Variants in TENM2 observed in about 807,000 individuals in gnomAD.
The protein encoded by TENM2 is teneurin transmembrane protein 2, also known as teneurin-2.
Under a neutral mutation model 245.2 loss-of-function variants are expected in TENM2, and 52 were observed. The observed-to-expected ratio is 0.21, with a 90% confidence interval of 0.17 to 0.27. TENM2 has a LOEUF of 0.27. Ranked by LOEUF, TENM2 falls within the 10% of genes least tolerant of loss-of-function variation. The pLI, the probability that TENM2 is intolerant of heterozygous loss-of-function variation, is 1.00. For synonymous variants in TENM2, 1,363 were observed against 1,438.9 expected (o/e 0.95, Z 1.19); for missense variants, 3,046 against 3,666.8 (o/e 0.83, Z 4.37).
At chr5:168,170,470 G>A (rs1376244189) in intron 13 of TENM2, among the ~76,000 whole-genome samples, 1 of 152,026 alleles carries the variant, frequency 6.6e-6, no homozygotes, top group African/African-American at 2.4e-5. Context: ...CACCACTGCA[G>A]CACTCCAGCC....
In TENM2 at chr5:167,478,795, G is replaced by A. The variant is rs918045623; in HGVS notation, c.502+103322G>A. On this transcript the variant is annotated intron_variant, in intron 2 of 28. Coordinates refer to ENST00000518659, the Ensembl canonical transcript of TENM2. ...TCTCGCTTTTATGATATGACTTCTC[G>A]GTTTTGCATTTTTCTTTGCTCCAAC... Among the ~76,000 whole-genome samples the A allele has an allele frequency of 5.3e-5, 8 of 151,910 alleles. 1 individual carries two copies. In the South Asian group the frequency reaches 6.2e-4, roughly 12 times the overall value.
chr5:167,225,229 C>A, the TENM2 span, among the ~76,000 whole-genome samples: 1 of 151,974 alleles, frequency 6.6e-6, no homozygotes, highest in African/African-American at 2.4e-5. Flanking sequence ...AGTGGGCATT[C>A]TTGTCTTGGT....
intron 3 of TENM2, among the ~76,000 whole-genome samples, chr5:167,906,828 A>T (rs748125350): frequency 6.6e-6 from 1 of 152,166 alleles, no homozygotes; most frequent in African/African-American, 2.4e-5. Context: ...AGAGTCAGGA[A>T]AGCTAAAAAA....
chr5:168,091,523 C>A (rs527804672), intron 8 of TENM2, among the ~76,000 whole-genome samples: 1 of 152,276 alleles, frequency 6.6e-6, no homozygotes, highest in African/African-American at 2.4e-5. Flanking sequence ...AAAGAAGCTG[C>A]AGATATTTTC....
intron 5 of TENM2, among the ~76,000 whole-genome samples, chr5:168,004,456 G>C (rs761691226): frequency 5.3e-5 from 8 of 151,534 alleles, no homozygotes; most frequent in Non-Finnish European, 1.0e-4. Flanking sequence ...TGGGAGTGGA[G>C]CAGTGAAAGA....
chr5:167,056,713 G>A, the TENM2 span, among the ~76,000 whole-genome samples: 1 of 147,704 alleles, frequency 6.8e-6, no homozygotes, highest in Non-Finnish European at 1.5e-5. Flanking sequence ...ATTGACCTTT[G>A]ATTTTCTGAA....
At chr5:167,413,828 G>A (rs1763030104) in intron 2 of TENM2, among the ~76,000 whole-genome samples, 1 of 152,266 alleles carries the variant, frequency 6.6e-6, no homozygotes, top group Non-Finnish European at 1.5e-5. Context: ...GATCTCTGTA[G>A]CGGATGACTT....
intron 2 of TENM2, among the ~76,000 whole-genome samples, chr5:167,842,580 C>CAAAAAAAAAAAAAAAAA (rs1160974467): frequency 2.2e-5 from 1 of 45,326 alleles, no homozygotes; most frequent in Non-Finnish European, 6.0e-5. Context: ...GACTCCATGT[C>CAAAAAAAAAAAAAAAAA]AAAAAAAAAA....
chr5:167,492,589 G>A (rs1266199895), intron 2 of TENM2, among the ~76,000 whole-genome samples: 1 of 151,944 alleles, frequency 6.6e-6, no homozygotes, highest in East Asian at 1.9e-4. Flanking sequence ...AATTTACATG[G>A]CTATTTATAA....
intron 1 of TENM2, among the ~76,000 whole-genome samples, chr5:167,348,123 T>G (rs1758583191): frequency 1.3e-5 from 2 of 152,200 alleles, no homozygotes; most frequent in African/African-American, 4.8e-5. Flanking sequence ...GCTCGGAGTT[T>G]GGGAAAGAAT....
intron 2 of TENM2, among the ~76,000 whole-genome samples, chr5:167,512,183 A>G (rs1770007532): frequency 6.6e-6 from 1 of 152,216 alleles, no homozygotes; most frequent in East Asian, 1.9e-4. Context: ...TAATGTAAGG[A>G]ATATGACACA....
In TENM2 at chr5:168,236,974, A is replaced by T. The variant is rs1490883677; in HGVS notation, c.5521-7446A>T. Among the ~76,000 whole-genome samples, 13 of 3,234 alleles carry T rather than the reference A, an allele frequency of 4.0e-3. 2 individuals are homozygous for T. Among genetic ancestry groups the T allele is most frequent in the African/African-American group, 5.9e-3 (5 of 842 alleles). The allele number at this position is 3,234 out of a possible 152,430, so 2.1% of individuals were successfully genotyped here. On this transcript the variant is annotated intron_variant, in intron 25 of 28. Coordinates refer to ENST00000518659, the Ensembl canonical transcript of TENM2. ...TATATATATATATATATATATATAT[A>T]TATATATATATATATATATATATAT...
the TENM2 span, among the ~76,000 whole-genome samples, chr5:167,209,304 C>A: frequency 6.6e-6 from 1 of 151,644 alleles, no homozygotes; most frequent in Non-Finnish European, 1.5e-5. Flanking sequence ...CACTCTGTCA[C>A]CCAGGCTGGA....
chr5:168,014,945 G>A (rs1287526800), intron 5 of TENM2, among the ~76,000 whole-genome samples: 14 of 152,188 alleles, frequency 9.2e-5, no homozygotes, highest in Admixed American at 7.2e-4. Context: ...TGGATCAGCC[G>A]CTGGGAGCCT....
chr5:167,326,842 T>C (rs941801650), intron 1 of TENM2, among the ~76,000 whole-genome samples: 1 of 151,532 alleles, frequency 6.6e-6, no homozygotes, highest in African/African-American at 2.4e-5. Context: ...TCTCAGGCAG[T>C]CTTTTGAAAG....
intron 12 of TENM2, chr5:168,139,574 G>A: frequency 2.2e-6 from 1 of 456,396 alleles, no homozygotes; most frequent in South Asian, 1.5e-5. Flanking sequence ...TCCTCTGTGA[G>A]GGGACTGGGC....
rs905097618 is a variant in TENM2, at chr5:167,455,054, A to G, written c.502+79581A>G. On this transcript the variant is annotated intron_variant, in intron 2 of 28. Coordinates refer to ENST00000518659, the Ensembl canonical transcript of TENM2. ...ACAGTGTTGTGAAGCAAATCAATAT[A>G]TGATCAAGAATTAATCCATAGATTC... Among the ~76,000 whole-genome samples, 35 of 152,350 alleles carry G rather than the reference A, an allele frequency of 2.3e-4. No individual in the cohort carries two copies. In the East Asian group the frequency reaches 4.6e-3, roughly 20 times the overall value.
At chr5:167,118,884 T>C in the TENM2 span, among the ~76,000 whole-genome samples, 2 of 152,188 alleles carry the variant, frequency 1.3e-5, no homozygotes, top group African/African-American at 2.4e-5. Flanking sequence ...CAGGAAATGG[T>C]ATTTATAAGG....
At chr5:167,820,764 C>A (rs1436771528) in intron 2 of TENM2, among the ~76,000 whole-genome samples, 1 of 152,174 alleles carries the variant, frequency 6.6e-6, no homozygotes, top group African/African-American at 2.4e-5. Flanking sequence ...AGCCTCTTGC[C>A]TTAATGGGAA....
Sources: gnomAD v4.1 joint callset for allele counts (sites outside exome capture counted in the v4.1 genomes callset) on GRCh38, gnomAD v4.1.1 for gene constraint, MANE v1.5 for transcripts, NCBI Gene and HGNC (gene_info 2026-07-23, HGNC 2026-07-21) for gene names.